The following SLCO1A2 variants were observed in gnomAD, a reference collection of about 807,000 sequenced individuals.
SLCO1A2 encodes solute carrier organic anion transporter family member 1A2, also known as OATP-1.
In SLCO1A2, 67 loss-of-function variants were observed where a neutral mutation model predicts 69.0. The ratio of observed to expected loss-of-function variants is 0.97; its 90% confidence interval spans 0.80 to 1.19. The LOEUF is 1.19. Among genes scored for constraint, SLCO1A2 ranks in the 50% most tolerant of loss-of-function variants. The pLI is 0.00. For missense variants in SLCO1A2, 787 were observed against 793.7 expected, an observed-to-expected ratio of 0.99 and a Z score of 0.10; for synonymous variants, 260 against 265.9, an observed-to-expected ratio of 0.98 and a Z score of 0.22.
intron 1 of SLCO1A2, among the ~76,000 whole-genome samples, chr12:21,403,844 T>C (rs1368438223): frequency 6.6e-6 from 1 of 151,806 alleles, no homozygotes; most frequent in Admixed American, 6.6e-5. Context: ...TTTTCTCAGA[T>C]TTTTTCTTTC....
At chr12:21,346,757 T>C (rs901746596) in intron 2 of SLCO1A2, among the ~76,000 whole-genome samples, 1 of 152,138 alleles carries the variant, frequency 6.6e-6, no homozygotes, top group Admixed American at 6.5e-5. Context: ...TACTCCCCCA[T>C]AAAAGTAACA....
At chr12:21,330,226 C>T (rs550836026) in intron 2 of SLCO1A2, among the ~76,000 whole-genome samples, 1 of 152,234 alleles carries the variant, frequency 6.6e-6, no homozygotes, top group East Asian at 1.9e-4. Context: ...GACACCATGG[C>T]TCATGCCTGT....
intron 1 of SLCO1A2, among the ~76,000 whole-genome samples, chr12:21,393,232 C>A (rs546523715): frequency 1.3e-5 from 2 of 152,092 alleles, no homozygotes; most frequent in South Asian, 2.1e-4. Context: ...CGATAATAAA[C>A]CTTCTATCAA....
chr12:21,389,511 A>G (rs915697950), intron 1 of SLCO1A2, among the ~76,000 whole-genome samples: 2 of 152,136 alleles, frequency 1.3e-5, no homozygotes, highest in Admixed American at 6.5e-5. Context: ...CAAATGATCA[A>G]TGTCCCAACT....
intron 12 of SLCO1A2, among the ~76,000 whole-genome samples, chr12:21,282,028 A>G (rs1405438163): frequency 6.6e-6 from 1 of 151,968 alleles, no homozygotes; most frequent in Non-Finnish European, 1.5e-5. Flanking sequence ...TACTCAAACT[A>G]TTCTGAAAAA....
chr12:21,393,039 T>C (rs537915994), intron 1 of SLCO1A2, among the ~76,000 whole-genome samples: 48 of 152,306 alleles, frequency 3.2e-4, no homozygotes, highest in Middle Eastern at 3.4e-3. Context: ...TATCAATAAT[T>C]CATGCCTCCT....
upstream of SLCO1A2, among the ~76,000 whole-genome samples, chr12:21,418,393 A>G (rs1591924403): frequency 6.6e-6 from 1 of 152,288 alleles, no homozygotes; most frequent in South Asian, 2.1e-4. Context: ...AGAGTATTGA[A>G]CAGTCATTGT....
At position 21,361,982 on chromosome 12, in the gene SLCO1A2, T is replaced by A. The variant is rs191219350; in HGVS notation, c.-63+12417A>T. 6.9e-4 allele frequency among the ~76,000 whole-genome samples: 105 copies of A among 152,278 alleles called. 1 individual carries two copies. The highest frequency in any genetic ancestry group is 2.5e-3 in the African/African-American group (104 of 41,566). On this transcript the variant is annotated intron_variant, in intron 2 of 15. Coordinates refer to the SLCO1A2 transcript ENST00000307378. ...TTGGAAAACACTCTTCAGGATATCA[T>A]GCCGGAGAACTTCCCCAACCTAGCG...
At chr12:21,363,573 CA>C (rs530273702) in intron 2 of SLCO1A2, among the ~76,000 whole-genome samples, 2 of 151,642 alleles carry the variant, frequency 1.3e-5, no homozygotes, top group East Asian at 3.9e-4. Flanking sequence ...GATAGAGACA[CA>C]AAAAAACCCT....
chr12:21,316,858 A>G (rs1950934473), intron 3 of SLCO1A2, among the ~76,000 whole-genome samples: 1 of 152,216 alleles, frequency 6.6e-6, no homozygotes, highest in Non-Finnish European at 1.5e-5. Flanking sequence ...CAATGTGAAC[A>G]TATAACTTTG....
intron 2 of SLCO1A2, among the ~76,000 whole-genome samples, chr12:21,359,689 G>T (rs543859807): frequency 6.6e-5 from 10 of 151,788 alleles, no homozygotes; most frequent in African/African-American, 1.2e-4. Flanking sequence ...AGAGCTTGCA[G>T]TGAGCCGAGA....
rs1338900879 is a variant in SLCO1A2, at chr12:21,277,622, AAC to A, written c.1611-2200_1611-2199del. On this transcript the variant is annotated intron_variant, in intron 12 of 14. Transcript: ENST00000683939. ...TTTGCACCAGGGACTGGTTTCATGG[AAC>A]ACAATTTTTCCACTGACCAGGCAGG... Among the ~76,000 whole-genome samples the A allele has an allele frequency of 4.6e-5, 7 of 152,196 alleles. No homozygotes were observed. The East Asian group carries it at 1.2e-3, about 25-fold the overall frequency.
chr12:21,404,177 G>A (rs1941784924), intron 1 of SLCO1A2, among the ~76,000 whole-genome samples: 1 of 152,006 alleles, frequency 6.6e-6, no homozygotes, highest in Non-Finnish European at 1.5e-5. Flanking sequence ...GTAATTAGGT[G>A]GTCATATCCA....
intron 12 of SLCO1A2, among the ~76,000 whole-genome samples, chr12:21,277,174 G>C (rs1305136678): frequency 6.6e-6 from 1 of 152,102 alleles, no homozygotes; most frequent in African/African-American, 2.4e-5. Flanking sequence ...TGAGTAAAGA[G>C]GACTTTGTCT....
chr12:21,288,508 G>A (rs977174910), intron 12 of SLCO1A2, among the ~76,000 whole-genome samples: 2 of 151,964 alleles, frequency 1.3e-5, no homozygotes, highest in Non-Finnish European at 2.9e-5. Context: ...TGTTACCAGA[G>A]GCTGGAAAGG....
At chr12:21,301,144 C>T (rs759064972) in intron 7 of SLCO1A2, 27 bp downstream of exon 7, 15 of 1,475,078 alleles carry the variant, frequency 1.0e-5, no homozygotes, top group Non-Finnish European at 1.3e-5. Context: ...AGTCTAGACA[C>T]TGTACAAATA....
chr12:21,271,653 A>G (rs10841783), intron 14 of SLCO1A2, among the ~76,000 whole-genome samples: 1 of 148,092 alleles, frequency 6.8e-6, no homozygotes, highest in Admixed American at 6.8e-5. Context: ...CTTTATATAC[A>G]TATGTGTATA....
At chr12:21,366,049 G>A (rs142862241) in intron 2 of SLCO1A2, among the ~76,000 whole-genome samples, 271 of 152,262 alleles carry the variant, frequency 1.8e-3, no homozygotes, top group African/African-American at 6.3e-3. Context: ...CCATTACTGG[G>A]CATATACCCA....
intron 1 of SLCO1A2, chr12:21,376,356 T>G (rs1353194263): frequency 2.8e-6 from 1 of 362,356 alleles, no homozygotes; most frequent in Non-Finnish European, 5.6e-6. Context: ...TTACTGTTTT[T>G]CAAGAAAAGT....
Sources: allele counts gnomAD v4.1 joint callset (sites outside exome capture counted in the v4.1 genomes callset), GRCh38; gene constraint gnomAD v4.1.1; transcripts MANE v1.5; gene names NCBI Gene and HGNC (gene_info 2026-07-23, HGNC 2026-07-21).